Variants in CSMD1 observed in about 807,000 individuals in gnomAD.
CSMD1 encodes the protein CUB and Sushi multiple domains 1, also known as CUB and sushi domain-containing protein 1.
CSMD1 carries 213 observed loss-of-function variants against 417.5 expected under a neutral mutation model. The ratio of observed to expected loss-of-function variants is 0.51; its 90% CI spans 0.46 to 0.57. The LOEUF (loss-of-function observed/expected upper bound fraction) is 0.57, where lower values mean the gene tolerates loss of function less well. Ranked by LOEUF, CSMD1 falls within the 20% of genes least tolerant of loss-of-function variation. The pLI is 0.00. For missense variants in CSMD1, 6,923 were observed against 4,529.7 expected (o/e 1.53, Z -15.17); for synonymous variants, 2,862 against 1,736.8 (o/e 1.65, Z -16.11).
chr8:4,857,572 T>A (rs920486409), intron 1 of CSMD1, among the ~76,000 whole-genome samples: 1 of 151,882 alleles, frequency 6.6e-6, no homozygotes, highest in Non-Finnish European at 1.5e-5. Context: ...TAATAAATGA[T>A]AAAGGGGATA....
chr8:3,776,790 T>C (rs1188194303), intron 5 of CSMD1, among the ~76,000 whole-genome samples: 2 of 107,580 alleles, frequency 1.9e-5, no homozygotes, highest in Admixed American at 8.1e-5. Context: ...CAGTGATAGA[T>C]AGTGACATAT....
At chr8:4,226,103 C>G (rs930066967) in intron 3 of CSMD1, among the ~76,000 whole-genome samples, 1 of 151,070 alleles carries the variant, frequency 6.6e-6, no homozygotes, top group Non-Finnish European at 1.5e-5. Context: ...CACACACACA[C>G]ACACGCCAAC....
chr8:4,036,973 G>C (rs996420422), intron 3 of CSMD1, among the ~76,000 whole-genome samples: 2 of 151,304 alleles, frequency 1.3e-5, no homozygotes, highest in Non-Finnish European at 3.0e-5. Flanking sequence ...GTGTGTGTGT[G>C]TGTGTGTGTG....
intron 3 of CSMD1, among the ~76,000 whole-genome samples, chr8:4,392,560 T>A (rs1803916189): frequency 6.6e-6 from 1 of 152,008 alleles, no homozygotes; most frequent in African/African-American, 2.4e-5. Flanking sequence ...AACTTAAATA[T>A]AAAAACTTGT....
intron 23 of CSMD1, among the ~76,000 whole-genome samples, chr8:3,314,128 G>C (rs942225295): frequency 6.6e-6 from 1 of 151,930 alleles, no homozygotes; most frequent in Non-Finnish European, 1.5e-5. Context: ...TGTGGGGTGG[G>C]GGGAGTGGGG....
In CSMD1 at chr8:4,992,484, A is replaced by AAAG. The variant is rs1247378922; in HGVS notation, c.85+1845_85+1847dup. On this transcript the variant is annotated intron_variant, in intron 1 of 69. Coordinates refer to ENST00000635120, the MANE Select transcript of CSMD1 (RefSeq NM_033225.6). Reference sequence around the variant, plus strand: ...CCCAGTTAGGCTTGGAGTGCAGGGGAAAGGGCGGGAAGTTTTGCGGAGTTG... The same window carrying AAAG: ...CCCAGTTAGGCTTGGAGTGCAGGGGAAAGAAGGGCGGGAAGTTTTGCGGAGTTG... Among the ~76,000 whole-genome samples, 3 of 152,214 alleles carry AAAG rather than the reference A, an allele frequency of 2.0e-5. No individual in the cohort carries two copies. The East Asian group carries it at 5.8e-4, about 30-fold the overall frequency.
intron 5 of CSMD1, among the ~76,000 whole-genome samples, chr8:3,812,668 A>G (rs1801150782): frequency 1.3e-5 from 2 of 152,220 alleles, no homozygotes; most frequent in African/African-American, 4.8e-5. Flanking sequence ...GAATTAAGGA[A>G]GAGATTGCAA....
chr8:3,243,077 A>C (rs1040606323), intron 26 of CSMD1, among the ~76,000 whole-genome samples: 1 of 152,168 alleles, frequency 6.6e-6, no homozygotes. Flanking sequence ...TGAAATTAAC[A>C]GAAGGGAGAG....
At chr8:4,137,014 T>G (rs1232346218) in intron 3 of CSMD1, among the ~76,000 whole-genome samples, 1 of 152,196 alleles carries the variant, frequency 6.6e-6, no homozygotes, top group Non-Finnish European at 1.5e-5. Context: ...CAAGCAGCTG[T>G]GTATTTTTAC....
At chr8:3,001,589 G>C (rs1472473744) in intron 52 of CSMD1, among the ~76,000 whole-genome samples, 1 of 151,952 alleles carries the variant, frequency 6.6e-6, no homozygotes, top group Non-Finnish European at 1.5e-5. Flanking sequence ...TTAATTCACA[G>C]GAAAATAAAG....
chr8:2,945,633 G>A lies in CSMD1; in HGVS notation c.10403-3029C>T, dbSNP rs142651111. 2.3e-3 allele frequency among the ~76,000 whole-genome samples: 343 copies of A among 152,076 alleles called. 2 individuals carry two copies. The highest frequency in any genetic ancestry group is 7.6e-3 in the African/African-American group (315 of 41,480). Reference sequence around the variant, plus strand: ...ACTGCAATTTCATTCAATCATTATCGTACGAGGGTCTTCACAATAACACAT... The same window carrying A: ...ACTGCAATTTCATTCAATCATTATCATACGAGGGTCTTCACAATAACACAT... On this transcript the variant is annotated intron_variant, in intron 68 of 69. Transcript: ENST00000635120.
intron 16 of CSMD1, among the ~76,000 whole-genome samples, chr8:3,397,586 G>C (rs969556154): frequency 3.3e-5 from 5 of 152,186 alleles, no homozygotes; most frequent in African/African-American, 7.2e-5. Context: ...TGCCAACTTT[G>C]TCTTATGACA....
chr8:4,383,131 G>A (rs891650114), intron 3 of CSMD1, among the ~76,000 whole-genome samples: 1 of 152,102 alleles, frequency 6.6e-6, no homozygotes, highest in Non-Finnish European at 1.5e-5. Flanking sequence ...ATTAAACTAA[G>A]CAACTTGATG....
At chr8:3,890,763 A>T (rs1314194652) in intron 5 of CSMD1, among the ~76,000 whole-genome samples, 2 of 152,176 alleles carry the variant, frequency 1.3e-5, no homozygotes, top group African/African-American at 4.8e-5. Context: ...TGTCTGTGCT[A>T]ATGTTTGAGC....
At chr8:4,624,650 C>T (rs1036157698) in intron 2 of CSMD1, among the ~76,000 whole-genome samples, 2 of 152,216 alleles carry the variant, frequency 1.3e-5, no homozygotes, top group East Asian at 3.9e-4. Flanking sequence ...GGGTCGGTGC[C>T]CAGCAGCAGC....
chr8:3,709,841 G>C (rs1028737354), intron 6 of CSMD1, among the ~76,000 whole-genome samples: 1 of 136,350 alleles, frequency 7.3e-6, no homozygotes, highest in Non-Finnish European at 1.6e-5. Flanking sequence ...TAGTAAATCT[G>C]TGTGTGTACG....
chr8:3,202,343 T>C (rs1300778169), intron 31 of CSMD1, among the ~76,000 whole-genome samples: 6 of 152,238 alleles, frequency 3.9e-5, no homozygotes, highest in Non-Finnish European at 7.3e-5. Context: ...GCCGTATTCA[T>C]ACACACTGAC....
intron 3 of CSMD1, among the ~76,000 whole-genome samples, chr8:4,256,413 G>A (rs1447301617): frequency 6.6e-6 from 1 of 152,110 alleles, no homozygotes; most frequent in East Asian, 1.9e-4. Context: ...TTTCTCCTCT[G>A]AAAATAGCAC....
intron 3 of CSMD1, among the ~76,000 whole-genome samples, chr8:4,311,544 G>A (rs921607029): frequency 2.0e-5 from 3 of 151,964 alleles, no homozygotes; most frequent in Non-Finnish European, 2.9e-5. Context: ...CCAATACGGT[G>A]AAACCCTGTC....
Sources: allele counts gnomAD v4.1 joint callset (sites outside exome capture counted in the v4.1 genomes callset), GRCh38; gene constraint gnomAD v4.1.1; transcripts MANE v1.5; gene names NCBI Gene and HGNC (gene_info 2026-07-23, HGNC 2026-07-21).